Variants in PLPP4 observed in about 807,000 individuals in gnomAD.
The protein encoded by PLPP4 is diacylglycerol pyrophosphate like 2.
Under a neutral mutation model 32.2 loss-of-function variants are expected in PLPP4, and 20 were observed. That is an observed-to-expected ratio of 0.62 (90% confidence interval 0.44 to 0.90). The LOEUF (loss-of-function observed/expected upper bound fraction) is 0.90, where lower values mean the gene tolerates loss of function less well. PLPP4 is among the 40% of genes least tolerant of loss of function. The pLI is 0.00. For missense variants in PLPP4, 257 were observed against 353.1 expected (o/e 0.73, Z 2.18); for synonymous variants, 127 against 133.0 (o/e 0.95, Z 0.31).
At chr10:120,514,096 T>C in intron 3 of PLPP4, 95 bp downstream of exon 3, 1 of 989,570 alleles carries the variant, frequency 1.0e-6, no homozygotes, top group East Asian at 2.4e-5. Flanking sequence ...CTGATTTTTT[T>C]CTTTTGGTCA....
chr10:120,578,449 A>G (rs1238995296), intron 6 of PLPP4, among the ~76,000 whole-genome samples: 1 of 152,232 alleles, frequency 6.6e-6, no homozygotes, highest in African/African-American at 2.4e-5. Context: ...CCCCCTCATT[A>G]TAGACTTTAG....
At chr10:120,582,242 C>G (rs79413058) in intron 6 of PLPP4, among the ~76,000 whole-genome samples, 1,921 of 152,326 alleles carry the variant, frequency 0.013, 42 homozygotes, top group African/African-American at 0.044. Flanking sequence ...GGCAAAGCCA[C>G]CCTCTCTCTG....
chr10:120,560,163 C>A (rs1848356224), intron 5 of PLPP4, among the ~76,000 whole-genome samples: 1 of 152,066 alleles, frequency 6.6e-6, no homozygotes, highest in South Asian at 2.1e-4. Flanking sequence ...CACCATGGGA[C>A]TTATGAAGTG....
chr10:120,523,059 A>T (rs917481450), intron 5 of PLPP4, among the ~76,000 whole-genome samples: 1 of 152,170 alleles, frequency 6.6e-6, no homozygotes, highest in Non-Finnish European at 1.5e-5. Flanking sequence ...GCACTTTGGG[A>T]GCCCAAGGCG....
At position 120,463,019 on chromosome 10, in the gene PLPP4, CTTTTT is replaced by C. The variant is rs71019771; in HGVS notation, c.56+5676_56+5680del. Among the ~76,000 whole-genome samples the C allele has an allele frequency of 7.5e-3, 670 of 89,342 alleles. 2 individuals are homozygous for C. The highest frequency in any genetic ancestry group is 0.024 in the African/African-American group (635 of 26,400). The allele number at this position is 89,342 out of a possible 152,430, so 58.6% of individuals were successfully genotyped here. On this transcript the variant is annotated intron_variant, in intron 1 of 6. Coordinates refer to ENST00000398250, the MANE Select transcript of PLPP4 (RefSeq NM_001030059.3). ...TTGCTCTCTAGAAACAAGTTTCTTTCTTTTTTTTTTTTTTTTTTTTTTGAGACGGA... is the reference window on the plus strand; with the variant it reads ...TTGCTCTCTAGAAACAAGTTTCTTTCTTTTTTTTTTTTTTTTTGAGACGGA...
intron 5 of PLPP4, among the ~76,000 whole-genome samples, chr10:120,540,780 T>A (rs1026057096): frequency 2.0e-5 from 3 of 152,192 alleles, no homozygotes; most frequent in Non-Finnish European, 4.4e-5. Context: ...ATGGTGTCTC[T>A]AGCATAGAGA....
At position 120,473,148 on chromosome 10, in the gene PLPP4, A is replaced by G. The variant is rs560233456; in HGVS notation, c.56+15787A>G. On this transcript the variant is annotated intron_variant, in intron 1 of 6. Transcript: ENST00000398250. ...TTCCTTTGCATGTCTAGTAACTATT[A>G]TATATTGGACACTGTGAAACATACA... Among the ~76,000 whole-genome samples the G allele has an allele frequency of 1.8e-4, 28 of 152,242 alleles. No homozygotes were observed. In the South Asian group the frequency reaches 5.6e-3, roughly 30 times the overall value.
chr10:120,518,905 C>T lies in PLPP4; in HGVS notation c.320+9C>T, dbSNP rs1354934176. 2 of 1,606,204 alleles carry T rather than the reference C, an allele frequency of 1.2e-6. No individual in the cohort carries two copies. The highest frequency in any genetic ancestry group is 1.7e-6 in the Non-Finnish European group (2 of 1,175,106). On this transcript the variant is annotated intron_variant, in intron 4 of 6. Transcript: ENST00000398250. ...AAATTAATAGTGGGAAGGTAAGTTC[C>T]AAGAAGAATGAAATGGTGACTTAGA...
At chr10:120,521,793 C>T (rs557748908) in intron 5 of PLPP4, among the ~76,000 whole-genome samples, 31 of 152,320 alleles carry the variant, frequency 2.0e-4, no homozygotes, top group Middle Eastern at 3.4e-3. Flanking sequence ...TGGTGATGAT[C>T]GCTCACATTT....
At chr10:120,511,791 T>G (rs1186910824) in intron 2 of PLPP4, among the ~76,000 whole-genome samples, 1 of 152,158 alleles carries the variant, frequency 6.6e-6, no homozygotes, top group African/African-American at 2.4e-5. Flanking sequence ...TTTGAGATAT[T>G]GTTAAAAATG....
chr10:120,553,129 A>C (rs995492988), intron 5 of PLPP4, among the ~76,000 whole-genome samples: 6 of 152,178 alleles, frequency 3.9e-5, no homozygotes, highest in African/African-American at 1.4e-4. Context: ...TCAAACACCT[A>C]TTTCGGCCAA....
chr10:120,472,392 C>T (rs1050740606), intron 1 of PLPP4, among the ~76,000 whole-genome samples: 2 of 152,090 alleles, frequency 1.3e-5, no homozygotes, highest in Non-Finnish European at 2.9e-5. Context: ...TCATTCAACA[C>T]TTTAAATATG....
At chr10:120,570,140 A>G (rs997890333) in intron 5 of PLPP4, among the ~76,000 whole-genome samples, 2 of 152,004 alleles carry the variant, frequency 1.3e-5, no homozygotes, top group Non-Finnish European at 2.9e-5. Context: ...CATGGGAGGT[A>G]CTCAACCTCT....
At chr10:120,585,198 G>A (rs541624252) in intron 6 of PLPP4, among the ~76,000 whole-genome samples, 1 of 152,290 alleles carries the variant, frequency 6.6e-6, no homozygotes, top group East Asian at 1.9e-4. Context: ...CTAGTAAAAG[G>A]CCTGACACAT....
chr10:120,582,798 C>CCTCG (rs1849579626), intron 6 of PLPP4, among the ~76,000 whole-genome samples: 1 of 133,186 alleles, frequency 7.5e-6, no homozygotes, highest in Non-Finnish European at 1.6e-5. Flanking sequence ...TCCCTCCCTC[C>CCTCG]CTCCCTTCCT....
In PLPP4 at chr10:120,590,380, G is replaced by T. The variant is rs1233239486; in HGVS notation, c.*878G>T. 6.6e-6 allele frequency among the ~76,000 whole-genome samples: 1 copy of T among 152,048 alleles called. No individual in the cohort carries two copies. The highest frequency in any genetic ancestry group is 1.5e-5 in the Non-Finnish European group (1 of 67,962). ...AGGGAGTGGCTGAGTGGCCATTGGGGATAAGAAGCAACTTCAGGCTGAGAA... is the reference window on the plus strand; with the variant it reads ...AGGGAGTGGCTGAGTGGCCATTGGGTATAAGAAGCAACTTCAGGCTGAGAA... On this transcript the variant is annotated 3_prime_UTR_variant, in exon 7 of 7. Coordinates refer to ENST00000398250, the MANE Select transcript of PLPP4 (RefSeq NM_001030059.3).
intron 2 of PLPP4, among the ~76,000 whole-genome samples, chr10:120,510,956 G>A (rs1047960519): frequency 2.0e-5 from 3 of 152,206 alleles, no homozygotes; most frequent in South Asian, 2.1e-4. Context: ...CTCTGCTGCA[G>A]CAACTCTGGG....
At chr10:120,508,294 G>A (rs1164642797) in intron 2 of PLPP4, among the ~76,000 whole-genome samples, 3 of 152,140 alleles carry the variant, frequency 2.0e-5, no homozygotes, top group Non-Finnish European at 4.4e-5. Context: ...GGATGTAATT[G>A]TTTACCCAGA....
chr10:120,583,602 C>T (rs765267624), intron 6 of PLPP4, among the ~76,000 whole-genome samples: 3 of 152,222 alleles, frequency 2.0e-5, no homozygotes, highest in Non-Finnish European at 4.4e-5. Flanking sequence ...CTTCTCATTT[C>T]TCTGTGCCTC....
Sources: allele counts gnomAD v4.1 joint callset (sites outside exome capture counted in the v4.1 genomes callset), GRCh38; gene constraint gnomAD v4.1.1; transcripts MANE v1.5; gene names NCBI Gene and HGNC (gene_info 2026-07-23, HGNC 2026-07-21).